The following TACC2 variants were observed in gnomAD, a reference collection of about 807,000 sequenced individuals.
The protein encoded by TACC2 is transforming acidic coiled-coil-containing protein 2.
TACC2 carries 137 observed loss-of-function variants against 227.3 expected under a neutral mutation model. The ratio of observed to expected loss-of-function variants is 0.60; its 90% CI spans 0.52 to 0.69. The LOEUF (loss-of-function observed/expected upper bound fraction) is 0.69, where lower values mean the gene tolerates loss of function less well. Among genes scored for constraint, TACC2 ranks in the 30% least tolerant of loss-of-function variants. The probability of loss-of-function intolerance (pLI) is 0.00; values close to 1 mark genes in which losing one functional copy is unlikely to be tolerated. For missense variants in TACC2, 3,470 were observed against 3,694.4 expected, an observed-to-expected ratio of 0.94 and a Z score of 1.57; for synonymous variants, 1,523 against 1,487.5, an observed-to-expected ratio of 1.02 and a Z score of -0.55.
At chr10:122,097,948 C>T (rs912164703) in intron 5 of TACC2, among the ~76,000 whole-genome samples, 1 of 152,128 alleles carries the variant, frequency 6.6e-6, no homozygotes, top group Non-Finnish European at 1.5e-5. Context: ...AAGCCGAGGG[C>T]TCTCTCACCG....
intron 11 of TACC2, among the ~76,000 whole-genome samples, chr10:122,217,076 C>T (rs1262640199): frequency 1.3e-5 from 2 of 152,172 alleles, no homozygotes; most frequent in Non-Finnish European, 2.9e-5. Flanking sequence ...AACTCCACCT[C>T]AGGACTCCAT....
chr10:122,100,472 G>A (rs2082009629), intron 5 of TACC2, among the ~76,000 whole-genome samples: 2 of 148,250 alleles, frequency 1.3e-5, no homozygotes. Context: ...TGGCCAGGCT[G>A]GAGTGCAGTG....
Position 122,008,048 on chromosome 10 carries a change from C to T in TACC2, c.-45-13889C>T, listed in dbSNP as rs183806630. Among the ~76,000 whole-genome samples, 315 of 152,220 alleles carry T rather than the reference C, an allele frequency of 2.1e-3. 1 individual carries two copies. Among genetic ancestry groups the T allele is most frequent in the Non-Finnish European group, 3.4e-3 (233 of 68,024 alleles). ...TGTGGCTCCTTAACCTTGGATTTCC[C>T]AGCCTCCAGAACTGTAAGAAGTACA... On this transcript the variant is annotated intron_variant, in intron 1 of 22. Coordinates refer to ENST00000369005, the MANE Select transcript of TACC2 (RefSeq NM_206862.4).
chr10:121,994,193 AT>A (rs1953171540), intron 1 of TACC2, among the ~76,000 whole-genome samples: 2 of 152,192 alleles, frequency 1.3e-5, no homozygotes, highest in Non-Finnish European at 2.9e-5. Flanking sequence ...GCATATTGAC[AT>A]GTTTGAAAAG....
Position 122,084,790 on chromosome 10 carries a change from G to A in TACC2, c.2290G>A (p.Gly764Arg), listed in dbSNP as rs760512466. ...GLLTSPDQPR[G>R]PACDASRQEF... ...GCTGACGTCCCCAGATCAACCCCGC[G>A]GGCCGGCGTGTGATGCGTCGAGACA... Residue 764 changes from glycine to arginine, a missense_variant, in exon 4 of 23, where the codon GGG becomes AGG. Around this residue, in one of 10 missense-constraint regions of TACC2, gnomAD observed 1,924 missense variants for 1,978.3 expected, o/e 0.97. Coordinates refer to ENST00000369005, the MANE Select transcript of TACC2 (RefSeq NM_206862.4). 8 of 1,613,618 alleles carry A rather than the reference G, an allele frequency of 5.0e-6. No homozygotes were observed. Among genetic ancestry groups the A allele is most frequent in the Non-Finnish European group, 6.8e-6 (8 of 1,180,034 alleles).
At position 122,211,074 on chromosome 10, in the gene TACC2, G is replaced by T. The variant is rs1390363878; in HGVS notation, c.6649G>T (p.Ala2217Ser). ...SESAEGVVPP[A>S]SGGGRVQNSP... is the part of the protein sequence containing the mutation. Reference sequence around the variant, plus strand: ...GAGTGCAGAAGGGGTTGTCCCCCCGGCTTCTGGAGGTGGCAGAGTGCAGAA... The same window carrying T: ...GAGTGCAGAAGGGGTTGTCCCCCCGTCTTCTGGAGGTGGCAGAGTGCAGAA... Residue 2217 changes from alanine (A) to serine (S), a missense_variant, in exon 9 of 23, where the codon GCT (alanine) becomes TCT (serine). This residue lies in a region of TACC2 where 593 missense variants were observed against 636.6 expected (regional missense o/e 0.93). Coordinates refer to ENST00000369005, the MANE Select transcript of TACC2 (RefSeq NM_206862.4). 6.2e-7 allele frequency: 1 copy of T among 1,612,670 alleles called. No homozygotes were observed. Among genetic ancestry groups the T allele is most frequent in the Non-Finnish European group, 8.5e-7 (1 of 1,179,460 alleles).
Position 122,249,506 on chromosome 10 carries a change from A to G in TACC2, c.8661-38A>G, listed in dbSNP as rs371723286. The G allele has an allele frequency of 6.2e-6, 10 of 1,606,592 alleles. No homozygotes were observed. In the African/African-American group the frequency reaches 1.3e-4, roughly 21 times the overall value. On this transcript the variant is annotated intron_variant, in intron 21 of 22. Coordinates refer to ENST00000369005, the MANE Select transcript of TACC2 (RefSeq NM_206862.4). ...AAGCAGGAGGTGTCTCTAGTGATCC[A>G]CAAAAGAGTGATAATTCTGAGCTCC...
rs139038254 is a variant in TACC2, at chr10:122,133,513, A to G, written c.5699+779A>G. 1.4e-3 allele frequency among the ~76,000 whole-genome samples: 207 copies of G among 152,286 alleles called. 1 individual carries two copies. The highest frequency in any genetic ancestry group is 4.7e-3 in the African/African-American group (197 of 41,550). On this transcript the variant is annotated intron_variant, in intron 6 of 22. Transcript: ENST00000369005. ...TGTACACGTGTATGTCTACATGTCTATACACACACATGTCTGTGTGTGTGT... is the reference window on the plus strand; with the variant it reads ...TGTACACGTGTATGTCTACATGTCTGTACACACACATGTCTGTGTGTGTGT...
At position 122,083,232 on chromosome 10, in the gene TACC2, T is replaced by G. The variant is rs761541862; in HGVS notation, c.732T>G (p.Ala244=). The G allele has an allele frequency of 1.5e-5, 24 of 1,613,210 alleles. No homozygotes were observed. Among genetic ancestry groups the G allele is most frequent in the Admixed American group, 3.3e-5 (2 of 59,964 alleles). ...CTGCAGAGTCCAGGCAGGGGGTGGC[T>G]TCTGTGCAAGTGACCCCTGAGGCCC... ...FPPAESRQGV[A]SVQVTPEAPA... The change falls in exon 4 of 23, where the codon GCT becomes GCG. Residue 244 remains alanine, a synonymous_variant. Coordinates refer to ENST00000369005, the MANE Select transcript of TACC2 (RefSeq NM_206862.4).
chr10:122,120,713 A>G lies in TACC2; in HGVS notation c.5574-11896A>G, dbSNP rs1180972517. On this transcript the variant is annotated intron_variant, in intron 5 of 22. Coordinates refer to ENST00000369005, the MANE Select transcript of TACC2 (RefSeq NM_206862.4). ...AGAGCCTGGCGCATGCTAGGTGCTC[A>G]TAAACATTGATTCCCTTCACTTGTT... is the stretch of plus-strand genomic sequence containing the variant. 3.3e-5 allele frequency among the ~76,000 whole-genome samples: 5 copies of G among 152,032 alleles called. No individual in the cohort carries two copies. In the East Asian group the frequency reaches 9.7e-4, roughly 29 times the overall value.
chr10:122,059,342 T>C (rs2076550034), intron 3 of TACC2, among the ~76,000 whole-genome samples: 1 of 152,000 alleles, frequency 6.6e-6, no homozygotes, highest in African/African-American at 2.4e-5. Flanking sequence ...ACCCGTTTCC[T>C]GAACACCCCC....
chr10:122,223,514 C>G (rs556050243), intron 11 of TACC2, among the ~76,000 whole-genome samples: 2 of 152,254 alleles, frequency 1.3e-5, no homozygotes, highest in Admixed American at 6.5e-5. Context: ...AAACTGTCTT[C>G]GATTTCATGA....
chr10:122,248,403 G>A, intron 19 of TACC2: 1 of 546,698 alleles, frequency 1.8e-6, no homozygotes. Context: ...AATAGTAATG[G>A]CTCATTTCTA....
At chr10:122,117,717 T>A (rs978714775) in intron 5 of TACC2, among the ~76,000 whole-genome samples, 6 of 152,210 alleles carry the variant, frequency 3.9e-5, no homozygotes, top group Non-Finnish European at 8.8e-5. Flanking sequence ...GCTATTCTAG[T>A]GTCTGCATCA....
chr10:122,185,961 G>C (rs1024429672), intron 7 of TACC2, among the ~76,000 whole-genome samples: 2 of 151,910 alleles, frequency 1.3e-5, no homozygotes, highest in African/African-American at 4.8e-5. Context: ...GTGGAATTTC[G>C]CTCTTGTTGC....
Position 122,083,165 on chromosome 10 carries a change from G to A in TACC2, c.665G>A (p.Gly222Asp), listed in dbSNP as rs374397256. ...TGTGGAGAGGGGGACCAGCCTGGTG[G>A]TTTTGAGTCCCAAGAGAAAGAGGCT... is the stretch of plus-strand genomic sequence containing the variant. ...PLCGEGDQPGGFESQEKEAAG... is the reference protein window; with the variant it reads ...PLCGEGDQPGDFESQEKEAAG... The change falls in exon 4 of 23, where the codon GGT becomes GAT. Residue 222 changes from glycine (G) to aspartate (D), a missense_variant. Physicochemically the swap from Gly to Asp is moderately conservative, Grantham distance 94. This residue lies in a region of TACC2 where 405 missense variants were observed against 389.6 expected (regional missense o/e 1.04). Transcript: ENST00000369005. The A allele has an allele frequency of 5.6e-6, 9 of 1,613,160 alleles. No homozygotes were observed. In the African/African-American group the frequency reaches 1.1e-4, roughly 19 times the overall value.
At chr10:122,031,683 G>T (rs927029027) in intron 2 of TACC2, among the ~76,000 whole-genome samples, 6 of 148,908 alleles carry the variant, frequency 4.0e-5, no homozygotes, top group South Asian at 2.1e-4. Context: ...GATTACAGGC[G>T]TGAGCCACCA....
intron 8 of TACC2, among the ~76,000 whole-genome samples, chr10:122,200,532 A>G (rs1192724621): frequency 6.8e-6 from 1 of 146,836 alleles, no homozygotes; most frequent in Admixed American, 6.6e-5. Flanking sequence ...CATGGGGAGG[A>G]CAGTTACCTC....
chr10:122,090,546 C>CAAA (rs1188822419), intron 5 of TACC2, among the ~76,000 whole-genome samples: 2 of 41,086 alleles, frequency 4.9e-5, no homozygotes, highest in South Asian at 7.0e-4. Context: ...GACTCTATCT[C>CAAA]AAAAAAAAAA....
Sources: gnomAD v4.1 joint callset for allele counts (sites outside exome capture counted in the v4.1 genomes callset) on GRCh38, gnomAD v4.1.1 for gene constraint, gnomAD v4.1.1 regional missense constraint, MANE v1.5 for transcripts, NCBI Gene and HGNC (gene_info 2026-07-23, HGNC 2026-07-21) for gene names.